PLCB2: variants seen among roughly 807,000 people sequenced by gnomAD.
The protein encoded by PLCB2 is 1-phosphatidylinositol 4,5-bisphosphate phosphodiesterase beta-2.
In PLCB2, 115 loss-of-function variants were observed where a neutral mutation model predicts 141.7. That is an observed-to-expected ratio of 0.81 (90% CI 0.70 to 0.95). The LOEUF is 0.95. Ranked by LOEUF, PLCB2 falls within the 40% of genes least tolerant of loss-of-function variation. PLCB2 has a pLI of 0.00. For synonymous variants in PLCB2, 603 were observed against 595.6 expected (o/e 1.01, Z -0.18); for missense variants, 1,403 against 1,541.1 (o/e 0.91, Z 1.50).
chr15:40,301,599 G>T, intron 7 of PLCB2: 1 of 702,908 alleles, frequency 1.4e-6, no homozygotes, highest in Admixed American at 2.0e-5. Context: ...ACCTTATCTC[G>T]CTCCTCCAGG....
At chr15:40,292,216 T>C in intron 22 of PLCB2, 58 bp from the exon 23 acceptor site, 1 of 1,539,660 alleles carries the variant, frequency 6.5e-7, no homozygotes, top group Non-Finnish European at 9.0e-7. Context: ...GCTGGAAGTC[T>C]CCCCTGTCCT....
intron 13 of PLCB2, 53 bp from the exon 14 acceptor site, chr15:40,296,961 T>G (rs967276635): frequency 5.0e-6 from 8 of 1,589,630 alleles, no homozygotes; most frequent in Non-Finnish European, 6.9e-6. Context: ...TGGCATAGCC[T>G]GAGCTCCTTA....
chr15:40,305,665 G>A (rs2141193435), intron 1 of PLCB2, among the ~76,000 whole-genome samples: 1 of 152,358 alleles, frequency 6.6e-6, no homozygotes, highest in African/African-American at 2.4e-5. Flanking sequence ...TCAAGCAACA[G>A]GTTCCCATTC....
At chr15:40,304,458 C>T (rs4244576) in intron 1 of PLCB2, among the ~76,000 whole-genome samples, 146,851 of 152,134 alleles carry the variant, frequency 0.97, 71,099 homozygotes, top group East Asian at 1. Context: ...GCAACCTAAC[C>T]TCCCATATGC....
chr15:40,290,183 T>A (rs1401473376), intron 29 of PLCB2, 101 bp from the exon 30 acceptor site: 6 of 808,240 alleles, frequency 7.4e-6, no homozygotes, highest in African/African-American at 1.7e-5. Context: ...AAATCCAACA[T>A]AGGGCAGGAA....
intron 11 of PLCB2, 103 bp downstream of exon 11, chr15:40,298,120 G>T: frequency 7.5e-7 from 1 of 1,329,442 alleles, no homozygotes; most frequent in Non-Finnish European, 1.0e-6. Context: ...AGGCCTTCCA[G>T]CCATTCATCT....
rs1257380387 is a variant in PLCB2 at position 40,291,328 on chromosome 15, G to A, written c.2807C>T (p.Pro936Leu). The change falls in exon 26 of 32, where the codon CCA (proline) becomes CTA (leucine). Residue 936 changes from proline to leucine, a missense_variant. This residue lies in a region of PLCB2 where 290 missense variants were observed against 245.9 expected (regional missense o/e 1.18). Transcript: ENST00000260402. ...GGCCCCGACGCCCCCCACGCCCGGT[G>A]GCCCGAGCTCCGCCAGCTGCGCCGC... The part of the protein sequence containing the change: ...RGAAQLAELG[P>L]PGVGGVGACK... 3 of 1,534,440 alleles carry A rather than the reference G, an allele frequency of 2.0e-6. No homozygotes were observed. In the East Asian group the frequency reaches 7.4e-5, roughly 38 times the overall value.
chr15:40,290,929 G>T, intron 27 of PLCB2, 89 bp downstream of exon 27: 1 of 1,460,024 alleles, frequency 6.8e-7, no homozygotes, highest in Non-Finnish European at 9.2e-7. Context: ...GTCGGTGAGG[G>T]GGTTGGGTCG....
At position 40,291,305 on chromosome 15, in the gene PLCB2, C is replaced by A; in HGVS notation, c.2830G>T (p.Ala944Ser). The A allele has an allele frequency of 6.5e-7, 1 of 1,549,762 alleles. No homozygotes were observed. The highest frequency in any genetic ancestry group is 8.6e-7 in the Non-Finnish European group (1 of 1,156,334). ...CCCTTGCCGGGACCGAGCTTGCAGG[C>A]CCCGACGCCCCCCACGCCCGGTGGC... ...LGPPGVGGVGACKLGPGKGSR... is the reference protein window; with the variant it reads ...LGPPGVGGVGSCKLGPGKGSR... Residue 944 changes from alanine to serine, a missense_variant, in exon 26 of 32, where the codon GCC (alanine) becomes TCC (serine). Coordinates refer to ENST00000260402, the MANE Select transcript of PLCB2 (RefSeq NM_004573.3).
chr15:40,290,514 GA>G (rs2039830634), intron 29 of PLCB2, 62 bp downstream of exon 29: 2 of 477,436 alleles, frequency 4.2e-6, no homozygotes, highest in African/African-American at 2.3e-5. Context: ...TCCATTTGTA[GA>G]GAGGCCCCTT....
At chr15:40,293,834 T>G (rs1271287313) in intron 19 of PLCB2, 110 bp from the exon 20 acceptor site, 4 of 1,079,576 alleles carry the variant, frequency 3.7e-6, no homozygotes, top group Admixed American at 2.2e-5. Context: ...TTGGGTGTTA[T>G]GAAGAACCTC....
chr15:40,302,318 T>C lies in PLCB2; in HGVS notation c.404A>G (p.Lys135Arg). 1 of 1,614,096 alleles carries C rather than the reference T, an allele frequency of 6.2e-7. No individual in the cohort carries two copies. Among genetic ancestry groups the C allele is most frequent in the South Asian group, 1.1e-5 (1 of 91,080 alleles). ...AWAEDVLALV[K>R]HPLTANASRS... Reference sequence around the variant, plus strand: ...GGAGGCGTTGGCCGTCAGCGGATGTTTGACTAGGGCCAGTACGTCCTCAGC... The same window carrying C: ...GGAGGCGTTGGCCGTCAGCGGATGTCTGACTAGGGCCAGTACGTCCTCAGC... The change falls in exon 5 of 32, where the codon AAA becomes AGA. Residue 135 changes from lysine to arginine, a missense_variant. Lys to Arg is a conservative substitution (Grantham distance 26, BLOSUM62 2). Coordinates refer to ENST00000260402, the MANE Select transcript of PLCB2 (RefSeq NM_004573.3).
In PLCB2 at chr15:40,291,764, C is replaced by T. The variant is rs776238906; in HGVS notation, c.2602+85G>A. 1.0e-5 allele frequency: 16 copies of T among 1,606,484 alleles called. No individual in the cohort carries two copies. In the South Asian group the frequency reaches 1.8e-4, roughly 18 times the overall value. On this transcript the variant is annotated intron_variant, in intron 24 of 31. Transcript: ENST00000260402. The stretch of plus-strand genomic sequence containing the variant: ...GTATGTGCCCCCTGCCCCGCACTTT[C>T]CCTAGGTGAAATTTTTTAAAGGGAA...
intron 6 of PLCB2, 26 bp from the exon 7 acceptor site, chr15:40,302,058 G>A: frequency 2.5e-6 from 4 of 1,613,968 alleles, no homozygotes; most frequent in Non-Finnish European, 3.4e-6. Flanking sequence ...AAGGTACCAG[G>A]TACAGAGAGG....
chr15:40,299,271 A>T, intron 7 of PLCB2, 43 bp from the exon 8 acceptor site: 1 of 1,375,182 alleles, frequency 7.3e-7, no homozygotes, highest in East Asian at 2.3e-5. Context: ...TCACCTTCTC[A>T]GAGCTAAGAA....
Position 40,288,666 on chromosome 15 carries a change from A to C in PLCB2, c.*49T>G. ...TCCTGGGGGAATAGAACCACATCCC[A>C]GAGAAGGGGCTGAACCTCCTTGCTA... is the stretch of plus-strand genomic sequence containing the variant. On this transcript the variant is annotated 3_prime_UTR_variant, in exon 32 of 32. Transcript: ENST00000260402. 6.7e-7 allele frequency: 1 copy of C among 1,498,374 alleles called. No individual in the cohort carries two copies. Among genetic ancestry groups the C allele is most frequent in the Admixed American group, 2.3e-5 (1 of 43,654 alleles). The allele number at this position is 1,498,374 out of a possible 1,614,324, so 92.8% of individuals were successfully genotyped here. A position where few individuals can be genotyped will look rare whatever the true frequency, so the allele number is the denominator to read the frequency against.
intron 2 of PLCB2, among the ~76,000 whole-genome samples, chr15:40,303,578 G>A (rs1253262621): frequency 6.6e-6 from 1 of 151,994 alleles, no homozygotes; most frequent in African/African-American, 2.4e-5. Flanking sequence ...CTTTCCCTCT[G>A]TCCATTCCTC....
chr15:40,303,737 C>T lies in PLCB2; in HGVS notation c.162+264G>A. On this transcript the variant is annotated intron_variant, in intron 2 of 31. Transcript: ENST00000260402. ...CCCACAGCCACAGGCAGAGCATCAG[C>T]CTTCAGCAGCAGTGCTTTCGCCTGT... 3 of 513,180 alleles carry T rather than the reference C, an allele frequency of 5.8e-6. No homozygotes were observed. The South Asian group carries it at 7.3e-5, about 12-fold the overall frequency. The allele number at this position is 513,180 out of a possible 1,614,324, so 31.8% of individuals were successfully genotyped here. A position where few individuals can be genotyped will look rare whatever the true frequency, so the allele number is the denominator to read the frequency against.
rs772908184 is a variant in PLCB2, at chr15:40,296,890, G to A, written c.1342C>T (p.Leu448=). 20 of 1,613,854 alleles carry A rather than the reference G, an allele frequency of 1.2e-5. No homozygotes were observed. Among genetic ancestry groups the A allele is most frequent in the Non-Finnish European group, 1.5e-5 (18 of 1,179,964 alleles). The part of the protein sequence containing the change: ...EKFPLKPGVP[L]PSPEDLRGKI... ...CCCCTGAGATCCTCAGGGCTGGGCA[G>A]GGGGACACCTGGTTTTAGCTATGGA... Residue 448 remains leucine, a synonymous_variant, in exon 14 of 32, where the codon CTG becomes TTG. Transcript: ENST00000260402.
Sources: gnomAD v4.1 joint callset for allele counts (sites outside exome capture counted in the v4.1 genomes callset) on GRCh38, gnomAD v4.1.1 for gene constraint, gnomAD v4.1.1 regional missense constraint, MANE v1.5 for transcripts, NCBI Gene and HGNC (gene_info 2026-07-23, HGNC 2026-07-21) for gene names.